The following CNTN5 variants were observed in gnomAD, a reference collection of about 807,000 sequenced individuals.
CNTN5 encodes the protein contactin-5.
Under a neutral mutation model 129.1 loss-of-function variants are expected in CNTN5, and 77 were observed. The ratio of observed to expected loss-of-function variants is 0.60; its 90% confidence interval spans 0.50 to 0.72. CNTN5 has a LOEUF of 0.72. Among genes scored for constraint, CNTN5 ranks in the 30% least tolerant of loss-of-function variants. CNTN5 has a pLI of 0.00. For missense variants in CNTN5, 1,478 were observed against 1,328.8 expected, an observed-to-expected ratio of 1.11 and a Z score of -1.75; for synonymous variants, 509 against 465.6, an observed-to-expected ratio of 1.09 and a Z score of -1.20.
intron 15 of CNTN5, among the ~76,000 whole-genome samples, chr11:100,202,303 G>A (rs1591387851): frequency 6.6e-6 from 1 of 151,722 alleles, no homozygotes; most frequent in Non-Finnish European, 1.5e-5. Flanking sequence ...GTAATATCTT[G>A]TGAAAAATGT....
intron 21 of CNTN5, among the ~76,000 whole-genome samples, chr11:100,334,887 TA>T (rs1951998016): frequency 6.6e-6 from 1 of 151,488 alleles, no homozygotes; most frequent in African/African-American, 2.4e-5. Flanking sequence ...AGAACCTATC[TA>T]TATAATCAAA....
intron 1 of CNTN5, among the ~76,000 whole-genome samples, chr11:99,028,838 G>A (rs1036983341): frequency 1.3e-5 from 2 of 151,798 alleles, no homozygotes; most frequent in South Asian, 4.1e-4. Flanking sequence ...TGCAGGAGTG[G>A]ATTAACTATG....
At chr11:99,122,346 A>T (rs1264261483) in intron 1 of CNTN5, among the ~76,000 whole-genome samples, 1 of 152,166 alleles carries the variant, frequency 6.6e-6, no homozygotes, top group Non-Finnish European at 1.5e-5. Context: ...AAAGGTGAGA[A>T]TTCTTTGTAT....
At chr11:99,519,107 C>T (rs868791497) in intron 2 of CNTN5, among the ~76,000 whole-genome samples, 1 of 152,048 alleles carries the variant, frequency 6.6e-6, no homozygotes, top group African/African-American at 2.4e-5. Context: ...CTTCACTAGG[C>T]TCTGCCTAAT....
chr11:99,631,644 C>CTT (rs144637616), intron 3 of CNTN5, among the ~76,000 whole-genome samples: 16 of 149,182 alleles, frequency 1.1e-4, no homozygotes, highest in East Asian at 9.8e-4. Flanking sequence ...ATTTCAAATA[C>CTT]TTTTTTTTTT....
At chr11:100,284,220 T>C (rs1201665829) in intron 18 of CNTN5, among the ~76,000 whole-genome samples, 1 of 152,192 alleles carries the variant, frequency 6.6e-6, no homozygotes, top group African/African-American at 2.4e-5. Context: ...TTAAACCAAA[T>C]ACTGTGAGTG....
Position 99,845,254 on chromosome 11 carries a change from A to G in CNTN5, c.569A>G (p.Gln190Arg). The part of the protein sequence containing the change: ...GSILSREATL[Q>R]FAYLGNFSGR... ...ATTCTTAGTAGAGAAGCTACACTGC[A>G]GTTTGCCTGTGAGTAAAATATATGA... The change falls in exon 6 of 25, where the codon CAG becomes CGG. Residue 190 changes from glutamine to arginine, a missense_variant. Physicochemically the swap from Gln to Arg is conservative, Grantham distance 43 (BLOSUM62 1). Coordinates refer to ENST00000524871, the MANE Select transcript of CNTN5 (RefSeq NM_014361.4). The G allele has an allele frequency of 6.2e-7, 1 of 1,607,776 alleles. No homozygotes were observed. The highest frequency in any genetic ancestry group is 8.5e-7 in the Non-Finnish European group (1 of 1,176,954).
At chr11:100,043,699 C>G (rs1163407780) in intron 9 of CNTN5, among the ~76,000 whole-genome samples, 7 of 152,026 alleles carry the variant, frequency 4.6e-5, no homozygotes, top group Non-Finnish European at 8.8e-5. Flanking sequence ...CAAAAATTGC[C>G]TTCATCCTTC....
chr11:99,078,077 T>A (rs1472278669), intron 1 of CNTN5, among the ~76,000 whole-genome samples: 2 of 152,156 alleles, frequency 1.3e-5, no homozygotes, highest in African/African-American at 4.8e-5. Flanking sequence ...TCAATTCAAT[T>A]ATTAATTAAT....
At chr11:99,600,776 T>G (rs549174834) in intron 3 of CNTN5, among the ~76,000 whole-genome samples, 1 of 152,220 alleles carries the variant, frequency 6.6e-6, no homozygotes, top group African/African-American at 2.4e-5. Context: ...TTTTCACCTT[T>G]ACATATTAAA....
chr11:99,930,338 T>C (rs1950162579), intron 7 of CNTN5, among the ~76,000 whole-genome samples: 1 of 152,208 alleles, frequency 6.6e-6, no homozygotes. Context: ...GAAGATCAAA[T>C]TCCACCATTT....
At chr11:99,427,151 T>C (rs1280112510) in intron 2 of CNTN5, among the ~76,000 whole-genome samples, 1 of 151,992 alleles carries the variant, frequency 6.6e-6, no homozygotes, top group Non-Finnish European at 1.5e-5. Flanking sequence ...TTGAAAAGAG[T>C]ACATGAATTA....
chr11:99,642,910 G>A (rs1241184596), intron 3 of CNTN5, among the ~76,000 whole-genome samples: 2 of 152,050 alleles, frequency 1.3e-5, no homozygotes, highest in East Asian at 1.9e-4. Context: ...CCATGTTGTT[G>A]CAAATGACAG....
intron 2 of CNTN5, among the ~76,000 whole-genome samples, chr11:99,382,374 C>T (rs117744208): frequency 0.03 from 4,566 of 152,088 alleles, 79 homozygotes; most frequent in Middle Eastern, 0.075. Context: ...TGGGGAAGCA[C>T]GGACAGATGC....
At chr11:99,612,198 A>T (rs890526267) in intron 3 of CNTN5, among the ~76,000 whole-genome samples, 2 of 152,162 alleles carry the variant, frequency 1.3e-5, no homozygotes, top group Non-Finnish European at 2.9e-5. Context: ...GAATGTTCAA[A>T]ATCAGAAAGC....
intron 3 of CNTN5, among the ~76,000 whole-genome samples, chr11:99,556,509 A>T (rs1415239999): frequency 7.0e-6 from 1 of 142,848 alleles, no homozygotes; most frequent in Non-Finnish European, 1.5e-5. Context: ...TACCTCCTTG[A>T]CATTCATTTG....
intron 3 of CNTN5, among the ~76,000 whole-genome samples, chr11:99,725,659 T>C (rs932650694): frequency 6.0e-5 from 9 of 150,704 alleles, no homozygotes; most frequent in African/African-American, 1.9e-4. Context: ...AAAAAAGATA[T>C]TATTTTTATA....
chr11:99,078,372 G>A (rs538445015), intron 1 of CNTN5, among the ~76,000 whole-genome samples: 1 of 152,136 alleles, frequency 6.6e-6, no homozygotes, highest in South Asian at 2.1e-4. Context: ...CAGGTTGGAG[G>A]TTCCTCAAAA....
intron 9 of CNTN5, among the ~76,000 whole-genome samples, chr11:100,056,958 A>G (rs1943256925): frequency 6.6e-6 from 1 of 151,704 alleles, no homozygotes; most frequent in African/African-American, 2.4e-5. Context: ...AATAAAATAT[A>G]CTTTTTTCCC....
Sources: allele counts gnomAD v4.1 joint callset (sites outside exome capture counted in the v4.1 genomes callset), GRCh38; gene constraint gnomAD v4.1.1; transcripts MANE v1.5; gene names NCBI Gene and HGNC (gene_info 2026-07-23, HGNC 2026-07-21).